The following WRN variants were observed in gnomAD, a reference collection of about 807,000 sequenced individuals.
WRN encodes WRN RecQ like helicase.
WRN carries 149 observed loss-of-function variants against 180.7 expected under a neutral mutation model. The ratio of observed to expected loss-of-function variants is 0.82; its 90% CI spans 0.72 to 0.94. The LOEUF is 0.94. Ranked by LOEUF, WRN falls within the 40% of genes least tolerant of loss-of-function variation. The pLI is 0.00. For missense variants in WRN, 1,661 were observed against 1,700.1 expected, an observed-to-expected ratio of 0.98 and a Z score of 0.40; for synonymous variants, 548 against 568.9, an observed-to-expected ratio of 0.96 and a Z score of 0.52.
At chr8:31,099,088 G>GAAGGAAGGAAGGGAGA (rs1308469306) in intron 17 of WRN, among the ~76,000 whole-genome samples, 13 of 151,558 alleles carry the variant, frequency 8.6e-5, no homozygotes, top group Non-Finnish European at 1.6e-4. Flanking sequence ...GAGAGAGAGA[G>GAAGGAAGGAAGGGAGA]AAGGAAGGAA....
chr8:31,160,541 A>G (rs1007123068), intron 33 of WRN, among the ~76,000 whole-genome samples: 3 of 152,204 alleles, frequency 2.0e-5, no homozygotes, highest in African/African-American at 7.2e-5. Flanking sequence ...GCAGAATGAG[A>G]TAGCGTTTTA....
intron 30 of WRN, among the ~76,000 whole-genome samples, chr8:31,149,173 G>A (rs1390629093): frequency 1.3e-5 from 2 of 151,942 alleles, no homozygotes; most frequent in African/African-American, 2.4e-5. Context: ...CGAGGCGGGC[G>A]GATCACGAGG....
chr8:31,067,916 C>T (rs534526760), intron 6 of WRN, among the ~76,000 whole-genome samples: 6 of 152,054 alleles, frequency 3.9e-5, no homozygotes, highest in Admixed American at 6.5e-5. Context: ...TAAAAGATAC[C>T]GCCAAACTTG....
chr8:31,051,458 A>G (rs903901527), intron 1 of WRN, among the ~76,000 whole-genome samples: 1 of 152,186 alleles, frequency 6.6e-6, no homozygotes, highest in Admixed American at 6.5e-5. Flanking sequence ...ATTCGTTCTA[A>G]CCAAAATCTT....
chr8:31,141,365 G>A, intron 24 of WRN, 65 bp from the exon 25 acceptor site: 6 of 1,401,120 alleles, frequency 4.3e-6, no homozygotes, highest in Non-Finnish European at 5.9e-6. Context: ...AGACAAGTCT[G>A]TGTTTTACTT....
In WRN at chr8:31,080,858, T is replaced by G. The variant is rs1813274112; in HGVS notation, c.840-9T>G. The G allele has an allele frequency of 6.3e-7, 1 of 1,590,074 alleles. No homozygotes were observed. Among genetic ancestry groups the G allele is most frequent in the African/African-American group, 1.4e-5 (1 of 73,594 alleles). Reference sequence around the variant, plus strand: ...AAGTTGAATTAATCTTTCTTAATTTTTTTTTTAGGGTTTCTATCTTACTAA... The same window carrying G: ...AAGTTGAATTAATCTTTCTTAATTTGTTTTTTAGGGTTTCTATCTTACTAA... On this transcript the variant is annotated splice_polypyrimidine_tract_variant and intron_variant, in intron 8 of 34. Transcript: ENST00000298139.
chr8:31,175,003 A>G lies in WRN; in HGVS notation c.*1901A>G, dbSNP rs1258146338. ...TGTGAGCCACCATGCACAGCCTTACATAAAGCCTTTTCTAATGAGATGGAT... is the reference window on the plus strand; with the variant it reads ...TGTGAGCCACCATGCACAGCCTTACGTAAAGCCTTTTCTAATGAGATGGAT... On this transcript the variant is annotated 3_prime_UTR_variant, in exon 35 of 35. Coordinates refer to ENST00000298139, the MANE Select transcript of WRN (RefSeq NM_000553.6). 6.6e-6 allele frequency among the ~76,000 whole-genome samples: 1 copy of G among 151,674 alleles called. No homozygotes were observed. Among genetic ancestry groups the G allele is most frequent in the African/African-American group, 2.4e-5 (1 of 41,280 alleles).
intron 18 of WRN, among the ~76,000 whole-genome samples, chr8:31,105,550 C>A (rs1441981917): frequency 5.9e-5 from 9 of 152,186 alleles, no homozygotes; most frequent in Non-Finnish European, 1.3e-4. Context: ...CAACCTCTGC[C>A]TCCCGGGTTC....
rs1371392701 is a variant in WRN at position 31,120,330 on chromosome 8, G to A, written c.2536G>A (p.Glu846Lys). 1.9e-6 allele frequency: 3 copies of A among 1,612,986 alleles called. No homozygotes were observed. The highest frequency in any genetic ancestry group is 1.7e-4 in the Middle Eastern group (1 of 6,060). Residue 846 changes from glutamate (E) to lysine (K), a missense_variant, in exon 21 of 35, where the codon GAA (glutamate) becomes AAA (lysine). Physicochemically the swap from Glu to Lys is moderately conservative, Grantham distance 56. Around this residue, in one of 3 missense-constraint regions of WRN, gnomAD observed 1,141 missense variants for 1,149.4 expected, o/e 0.99. Coordinates refer to ENST00000298139, the MANE Select transcript of WRN (RefSeq NM_000553.6). The stretch of plus-strand genomic sequence containing the variant: ...TCATTACGGTGCTCCTAAGGACATG[G>A]AATCATATTATCAGGAGATTGGTAG... ...VIHYGAPKDM[E>K]SYYQEIGRAG...
In WRN at chr8:31,081,145, G is replaced by T. The variant is rs376913063; in HGVS notation, c.1118G>T (p.Gly373Val). 3.7e-6 allele frequency: 6 copies of T among 1,614,030 alleles called. No individual in the cohort carries two copies. Among genetic ancestry groups the T allele is most frequent in the South Asian group, 1.1e-5 (1 of 91,076 alleles). The change falls in exon 9 of 35, where the codon GGA becomes GTA. Residue 373 changes from glycine (G) to valine (V), a missense_variant. Physicochemically the swap from Gly to Val is moderately radical, Grantham distance 109 (BLOSUM62 -3). Around this residue, in one of 3 missense-constraint regions of WRN, gnomAD observed 500 missense variants for 504.1 expected, o/e 0.99. Transcript: ENST00000298139. ...LGNKVERKED[G>V]FEDGVEDNKL... ...AATAAAGTGGAACGAAAAGAAGATG[G>T]ATTTGAAGATGGAGTAGAAGACAAC...
chr8:31,055,764 A>G (rs1280768333), intron 1 of WRN, among the ~76,000 whole-genome samples: 1 of 152,150 alleles, frequency 6.6e-6, no homozygotes, highest in Non-Finnish European at 1.5e-5. Context: ...ATGATTTTAG[A>G]AAAAGACATG....
At chr8:31,060,343 G>C (rs1812442052) in intron 3 of WRN, among the ~76,000 whole-genome samples, 1 of 152,164 alleles carries the variant, frequency 6.6e-6, no homozygotes, top group Admixed American at 6.5e-5. Context: ...AAGGCAGGAG[G>C]ATTGCTTGAG....
intron 30 of WRN, among the ~76,000 whole-genome samples, chr8:31,149,233 T>C (rs1802994335): frequency 6.6e-6 from 1 of 151,558 alleles, no homozygotes; most frequent in Admixed American, 6.6e-5. Flanking sequence ...CCGTTTCTAC[T>C]AAAAATACAA....
chr8:31,095,810 A>G (rs943092774), intron 16 of WRN, among the ~76,000 whole-genome samples: 1 of 152,208 alleles, frequency 6.6e-6, no homozygotes, highest in Non-Finnish European at 1.5e-5. Flanking sequence ...CAGGTAGCGC[A>G]AGGCCTCTTG....
At chr8:31,080,224 A>C (rs538951097) in intron 8 of WRN, among the ~76,000 whole-genome samples, 3 of 152,128 alleles carry the variant, frequency 2.0e-5, no homozygotes, top group Admixed American at 6.6e-5. Flanking sequence ...GTTTGTTCCC[A>C]ATATTTTTAT....
intron 24 of WRN, among the ~76,000 whole-genome samples, chr8:31,140,618 A>G (rs950312977): frequency 3.3e-5 from 5 of 152,234 alleles, no homozygotes; most frequent in African/African-American, 1.2e-4. Flanking sequence ...AAGCAGCTAA[A>G]TTGTAAATGA....
intron 1 of WRN, among the ~76,000 whole-genome samples, chr8:31,042,684 G>C (rs1015723896): frequency 1.3e-5 from 2 of 152,074 alleles, no homozygotes; most frequent in African/African-American, 4.8e-5. Flanking sequence ...TACCTTTTGG[G>C]GTTAGCATAC....
chr8:31,058,392 T>C lies in WRN; in HGVS notation c.-56T>C. 2.1e-6 allele frequency: 3 copies of C among 1,449,758 alleles called. No homozygotes were observed. The highest frequency in any genetic ancestry group is 2.9e-6 in the Non-Finnish European group (3 of 1,038,582). The allele number at this position is 1,449,758 out of a possible 1,614,324, so 89.8% of individuals were successfully genotyped here. A position where few individuals can be genotyped will look rare whatever the true frequency, so the allele number is the denominator to read the frequency against. ...CTCAGTTTTCTTTCAGATATTGTTTTGTATTTACCCATGAAGACATTGTTT... is the reference window on the plus strand; with the variant it reads ...CTCAGTTTTCTTTCAGATATTGTTTCGTATTTACCCATGAAGACATTGTTT... On this transcript the variant is annotated 5_prime_UTR_variant, in exon 2 of 35. Coordinates refer to ENST00000298139, the MANE Select transcript of WRN (RefSeq NM_000553.6).
chr8:31,143,626 A>G lies in WRN; in HGVS notation c.3383+3A>G, dbSNP rs760821619. The G allele has an allele frequency of 6.4e-7, 1 of 1,572,244 alleles. No homozygotes were observed. Among genetic ancestry groups the G allele is most frequent in the South Asian group, 1.1e-5 (1 of 89,692 alleles). ...GGGAGTAACATTTCTAAAAAAAGGT[A>G]CAGAGTTCCATATTTCTATGTTCTA... On this transcript the variant is annotated splice_donor_region_variant and intron_variant, in intron 28 of 34. Transcript: ENST00000298139.
Sources: gnomAD v4.1 joint callset for allele counts (sites outside exome capture counted in the v4.1 genomes callset) on GRCh38, gnomAD v4.1.1 for gene constraint, gnomAD v4.1.1 regional missense constraint, MANE v1.5 for transcripts, NCBI Gene and HGNC (gene_info 2026-07-23, HGNC 2026-07-21) for gene names.